The following LRRTM4 variants were observed in gnomAD, a reference collection of about 807,000 sequenced individuals.
LRRTM4 encodes the protein leucine-rich repeat transmembrane neuronal protein 4.
A neutral mutation model predicts 47.6 loss-of-function variants in LRRTM4; 25 were observed. That is an observed-to-expected ratio of 0.53 (90% CI 0.38 to 0.73). The LOEUF (loss-of-function observed/expected upper bound fraction) is 0.73, where lower values mean the gene tolerates loss of function less well. Among genes scored for constraint, LRRTM4 ranks in the 30% least tolerant of loss-of-function variants. LRRTM4 has a pLI of 0.00. For synonymous variants in LRRTM4, 311 were observed against 269.5 expected (o/e 1.15, Z -1.51); for missense variants, 638 against 713.4 (o/e 0.89, Z 1.20).
intron 3 of LRRTM4, among the ~76,000 whole-genome samples, chr2:76,981,129 T>C (rs995528132): frequency 2.6e-5 from 4 of 152,132 alleles, no homozygotes; most frequent in African/African-American, 9.6e-5. Context: ...ATTTATCTTG[T>C]TGTTACACTA....
intron 3 of LRRTM4, among the ~76,000 whole-genome samples, chr2:77,066,128 G>A (rs554040404): frequency 3.3e-5 from 5 of 152,164 alleles, no homozygotes; most frequent in Non-Finnish European, 7.4e-5. Flanking sequence ...ACTCTAGTAT[G>A]AAGCAGAATA....
chr2:77,402,288 G>A (rs546482978), intron 3 of LRRTM4, among the ~76,000 whole-genome samples: 7 of 152,006 alleles, frequency 4.6e-5, no homozygotes, highest in Admixed American at 2.6e-4. Flanking sequence ...TAGTAATACA[G>A]GTGTGTGCCA....
chr2:77,266,348 A>G (rs1350129952), intron 3 of LRRTM4, among the ~76,000 whole-genome samples: 3 of 152,168 alleles, frequency 2.0e-5, no homozygotes, highest in Non-Finnish European at 4.4e-5. Context: ...TTCAAAAGGC[A>G]AAGATAAAAT....
chr2:76,996,156 G>T (rs1486639124), intron 3 of LRRTM4, among the ~76,000 whole-genome samples: 1 of 151,966 alleles, frequency 6.6e-6, no homozygotes, highest in Non-Finnish European at 1.5e-5. Context: ...AATTAAACAT[G>T]TTATCATAAA....
chr2:76,895,585 T>C (rs1673386293), intron 3 of LRRTM4, among the ~76,000 whole-genome samples: 1 of 152,030 alleles, frequency 6.6e-6, no homozygotes, highest in East Asian at 1.9e-4. Context: ...GATTTAAATA[T>C]TCCTCTACTT....
intron 3 of LRRTM4, among the ~76,000 whole-genome samples, chr2:77,219,880 T>A (rs983083902): frequency 6.6e-6 from 1 of 152,050 alleles, no homozygotes; most frequent in South Asian, 2.1e-4. Context: ...GCACACAGCT[T>A]GAGATCTGAG....
intron 3 of LRRTM4, among the ~76,000 whole-genome samples, chr2:77,513,198 T>G (rs2104108801): frequency 6.6e-6 from 1 of 152,304 alleles, no homozygotes; most frequent in East Asian, 1.9e-4. Flanking sequence ...CCCTCAAGCA[T>G]AAAGAAATTG....
At chr2:77,444,975 C>CG in intron 3 of LRRTM4, among the ~76,000 whole-genome samples, 1 of 97,678 alleles carries the variant, frequency 1.0e-5, no homozygotes, top group African/African-American at 4.6e-5. Context: ...ACACACGATC[C>CG]GGAAAAAAAA....
At chr2:76,884,779 C>G (rs906094357) in intron 3 of LRRTM4, among the ~76,000 whole-genome samples, 1 of 151,352 alleles carries the variant, frequency 6.6e-6, no homozygotes, top group South Asian at 2.1e-4. Context: ...TACTTCTTAA[C>G]GTCTGTTGTA....
intron 3 of LRRTM4, among the ~76,000 whole-genome samples, chr2:76,995,665 G>A (rs1219613066): frequency 2.6e-5 from 4 of 151,984 alleles, no homozygotes; most frequent in African/African-American, 9.7e-5. Context: ...AAGCTGGAGG[G>A]AATAGAGATG....
Position 77,207,866 on chromosome 2 carries a change from C to CTTTTTTT in LRRTM4, c.1551+310445_1551+310451dup, listed in dbSNP as rs754540782. On this transcript the variant is annotated intron_variant, in intron 3 of 3. Transcript: ENST00000409884. Reference sequence around the variant, plus strand: ...ATGAAAGTTGAATAAGGGAAAGTGGCTTTTTTTTTTTTTTTTTTTTTTTTT... The same window carrying CTTTTTTT: ...ATGAAAGTTGAATAAGGGAAAGTGGCTTTTTTTTTTTTTTTTTTTTTTTTTTTTTTTT... Among the ~76,000 whole-genome samples, 337 of 42,610 alleles carry CTTTTTTT rather than the reference C, an allele frequency of 7.9e-3. 89 individuals carry two copies. The highest frequency in any genetic ancestry group is 9.4e-3 in the Non-Finnish European group (234 of 24,880). The allele number at this position is 42,610 out of a possible 152,430, so 28.0% of individuals were successfully genotyped here.
At chr2:76,963,930 CAT>C (rs1328830797) in intron 3 of LRRTM4, among the ~76,000 whole-genome samples, 1 of 150,550 alleles carries the variant, frequency 6.6e-6, no homozygotes, top group Non-Finnish European at 1.5e-5. Flanking sequence ...TTACACAAAA[CAT>C]GTCATTAATA....
At chr2:77,186,627 A>AT (rs1673512122) in intron 3 of LRRTM4, among the ~76,000 whole-genome samples, 1 of 152,200 alleles carries the variant, frequency 6.6e-6, no homozygotes, top group Admixed American at 6.6e-5. Context: ...TTAAAATGTC[A>AT]TATAATGTCA....
intron 3 of LRRTM4, among the ~76,000 whole-genome samples, chr2:76,820,634 G>A (rs1045807696): frequency 2.0e-5 from 3 of 151,680 alleles, no homozygotes; most frequent in Admixed American, 6.6e-5. Flanking sequence ...AATTGTTTTA[G>A]TGGGTTTTGC....
intron 3 of LRRTM4, chr2:77,517,139 A>G (rs1422531864): frequency 4.0e-5 from 39 of 985,030 alleles, no homozygotes; most frequent in Non-Finnish European, 3.7e-5. Flanking sequence ...GAAAAGAACA[A>G]TTTACATCCA....
At chr2:77,010,063 T>C (rs1156907481) in intron 3 of LRRTM4, among the ~76,000 whole-genome samples, 1 of 152,012 alleles carries the variant, frequency 6.6e-6, no homozygotes, top group Non-Finnish European at 1.5e-5. Context: ...TATTTTGATA[T>C]ATGTATATGT....
chr2:76,812,318 G>T (rs990711746), intron 3 of LRRTM4, among the ~76,000 whole-genome samples: 3 of 152,086 alleles, frequency 2.0e-5, no homozygotes, highest in Non-Finnish European at 4.4e-5. Flanking sequence ...CACTATAGAA[G>T]AACTGACAGA....
chr2:77,122,030 A>G lies in LRRTM4; in HGVS notation c.1552-373114T>C, dbSNP rs562750479. On this transcript the variant is annotated intron_variant, in intron 3 of 3. Transcript: ENST00000409884. ...TGTTTTAGAAGACATAGACATGAAC[A>G]ATGTTTACATGTTTATATATAAATA... Among the ~76,000 whole-genome samples the G allele has an allele frequency of 7.9e-5, 12 of 151,978 alleles. No individual in the cohort carries two copies. The South Asian group carries it at 2.5e-3, about 31-fold the overall frequency.
rs143751579 is a variant in LRRTM4 at position 76,806,401 on chromosome 2, G to T, written c.1552-57485C>A. 2.4e-3 allele frequency among the ~76,000 whole-genome samples: 358 copies of T among 152,170 alleles called. 6 individuals are homozygous for T. Among genetic ancestry groups the T allele is most frequent in the African/African-American group, 8.3e-3 (343 of 41,518 alleles). ...GTTCGAGACCAGCCTAACCAACGTG[G>T]TGAAACCCCGTCTCTACTAAAAATA... On this transcript the variant is annotated intron_variant, in intron 3 of 3. Transcript: ENST00000409884.
Sources: allele counts gnomAD v4.1 joint callset (sites outside exome capture counted in the v4.1 genomes callset), GRCh38; gene constraint gnomAD v4.1.1; transcripts MANE v1.5; gene names NCBI Gene and HGNC (gene_info 2026-07-23, HGNC 2026-07-21).